FOXK2: variants seen among roughly 807,000 people sequenced by gnomAD.
FOXK2 encodes forkhead box protein K2.
A neutral mutation model predicts 53.3 loss-of-function variants in FOXK2; 24 were observed. The observed-to-expected ratio is 0.45, with a 90% CI of 0.33 to 0.63. The LOEUF is 0.63. FOXK2 is among the 30% of genes least tolerant of loss of function. The pLI, the probability that FOXK2 is intolerant of heterozygous loss-of-function variation, is 0.03. For synonymous variants in FOXK2, 505 were observed against 407.1 expected (o/e 1.24, Z -2.89); for missense variants, 952 against 910.5 (o/e 1.05, Z -0.59).
At chr17:82,573,562 T>TCTCTCTCACACA (rs1185597025) in intron 4 of FOXK2, among the ~76,000 whole-genome samples, 13 of 83,312 alleles carry the variant, frequency 1.6e-4, no homozygotes, top group Non-Finnish European at 2.1e-4. Context: ...TCTCTCTCTC[T>TCTCTCTCACACA]CACACACACA....
At chr17:82,529,812 G>A (rs562027946) in intron 1 of FOXK2, among the ~76,000 whole-genome samples, 1 of 152,168 alleles carries the variant, frequency 6.6e-6, no homozygotes, top group Admixed American at 6.5e-5. Context: ...ATCCCTGGTT[G>A]TAAGAAGATA....
At chr17:82,523,531 G>T (rs1441870112) in intron 1 of FOXK2, among the ~76,000 whole-genome samples, 1 of 150,936 alleles carries the variant, frequency 6.6e-6, no homozygotes, top group African/African-American at 2.4e-5. Flanking sequence ...GGAGTGCAAT[G>T]GTATGATCTC....
chr17:82,571,656 A>C, intron 3 of FOXK2, 68 bp from the exon 4 acceptor site: 2 of 1,403,570 alleles, frequency 1.4e-6, no homozygotes, highest in Non-Finnish European at 1.9e-6. Flanking sequence ...AGAATCTTTA[A>C]ATCTAGTAAA....
rs1240657504 is a variant in FOXK2, at chr17:82,519,863, C to T, written c.-26C>T. 12 of 967,230 alleles carry T rather than the reference C, an allele frequency of 1.2e-5. No homozygotes were observed. In the East Asian group the frequency reaches 9.4e-4, roughly 76 times the overall value. 59.9% of individuals were successfully genotyped at this position (967,230 alleles called of 1,614,324 possible). ...CCGCGCCACCGGCGCCCGCGCGGAG[C>T]GGCCCGGGGGCCCTCACGCAGGCCC... On this transcript the variant is annotated 5_prime_UTR_variant, in exon 1 of 9. Transcript: ENST00000335255.
chr17:82,548,404 CT>C (rs1337988170), intron 1 of FOXK2, among the ~76,000 whole-genome samples: 7 of 151,994 alleles, frequency 4.6e-5, no homozygotes, highest in Non-Finnish European at 1.5e-5. Context: ...TTTAATTTGC[CT>C]TGCTGTTGAG....
At chr17:82,552,259 C>G (rs746746617) in intron 1 of FOXK2, among the ~76,000 whole-genome samples, 8 of 152,172 alleles carry the variant, frequency 5.3e-5, no homozygotes, top group Non-Finnish European at 1.0e-4. Context: ...CAGAGAACTT[C>G]CGTTTTCCCA....
chr17:82,548,057 G>T (rs528189618), intron 1 of FOXK2, among the ~76,000 whole-genome samples: 2 of 152,340 alleles, frequency 1.3e-5, no homozygotes, highest in East Asian at 3.9e-4. Context: ...ACAGTGTCCA[G>T]TCTGGGCTGC....
intron 3 of FOXK2, among the ~76,000 whole-genome samples, chr17:82,571,469 C>A (rs928499167): frequency 2.0e-5 from 3 of 152,026 alleles, no homozygotes; most frequent in African/African-American, 7.2e-5. Context: ...GGCGCGGTGG[C>A]AGGCGCCTGT....
intron 1 of FOXK2, among the ~76,000 whole-genome samples, chr17:82,553,934 T>C (rs2044699906): frequency 6.6e-6 from 1 of 152,004 alleles, no homozygotes; most frequent in Non-Finnish European, 1.5e-5. Flanking sequence ...CCCAGGTTCA[T>C]GCCATTCTCC....
In FOXK2 at chr17:82,519,951, G is replaced by C. The variant is rs919163599; in HGVS notation, c.63G>C (p.Gly21=). The change falls in exon 1 of 9, where the codon GGG becomes GGC. Residue 21 remains glycine, a synonymous_variant. Coordinates refer to ENST00000335255, the MANE Select transcript of FOXK2 (RefSeq NM_004514.4). ...CGCCACCCGCGGGCGGCGGGGCCGGGGGCGGCGGGGCCGGGGGCGGCGGGT... is the reference window on the plus strand; with the variant it reads ...CGCCACCCGCGGGCGGCGGGGCCGGCGGCGGCGGGGCCGGGGGCGGCGGGT... ...AGTPPAGGGA[G]GGGAGGGGSP... is the part of the protein sequence containing the mutation. 3 of 986,464 alleles carry C rather than the reference G, an allele frequency of 3.0e-6. No individual in the cohort carries two copies. Among genetic ancestry groups the C allele is most frequent in the African/African-American group, 3.9e-5 (2 of 51,348 alleles). 61.1% of individuals were successfully genotyped at this position (986,464 alleles called of 1,614,324 possible).
intron 8 of FOXK2, chr17:82,588,519 A>C (rs2143142359): frequency 6.3e-6 from 1 of 157,744 alleles, no homozygotes; most frequent in East Asian, 1.9e-4. Context: ...TTCTGGTCTT[A>C]GTCACTCCCA....
intron 1 of FOXK2, among the ~76,000 whole-genome samples, chr17:82,551,469 A>C (rs1163444829): frequency 6.6e-6 from 1 of 152,094 alleles, no homozygotes; most frequent in African/African-American, 2.4e-5. Context: ...TGAGGTCAGG[A>C]GTTTGAGACC....
At chr17:82,521,796 CG>C (rs1426213604) in intron 1 of FOXK2, among the ~76,000 whole-genome samples, 1 of 146,442 alleles carries the variant, frequency 6.8e-6, no homozygotes, top group Non-Finnish European at 1.5e-5. Flanking sequence ...AAAAATTAGC[CG>C]GGCGCGGTGG....
chr17:82,560,056 A>G (rs932692855), intron 1 of FOXK2, among the ~76,000 whole-genome samples: 2 of 130,884 alleles, frequency 1.5e-5, no homozygotes, highest in Admixed American at 9.1e-5. Flanking sequence ...CCCTGGCTGG[A>G]GTGCAGTGGC....
intron 1 of FOXK2, among the ~76,000 whole-genome samples, chr17:82,546,822 A>T (rs567336201): frequency 1.3e-5 from 2 of 152,146 alleles, no homozygotes; most frequent in South Asian, 2.1e-4. Flanking sequence ...CACACCTGGA[A>T]TCCCAGCACT....
intron 1 of FOXK2, among the ~76,000 whole-genome samples, chr17:82,541,748 T>TAAGAC (rs1567968038): frequency 6.6e-6 from 1 of 152,056 alleles, no homozygotes; most frequent in Non-Finnish European, 1.5e-5. Flanking sequence ...TCTTACTTTG[T>TAAGAC]TGCCCAGGCT....
chr17:82,583,657 CAAAA>C (rs112942708), intron 5 of FOXK2, among the ~76,000 whole-genome samples: 2 of 150,780 alleles, frequency 1.3e-5, no homozygotes, highest in African/African-American at 2.4e-5. Flanking sequence ...CTGTTTTTAA[CAAAA>C]AAAAAAATGA....
At chr17:82,568,460 C>T (rs2044876576) in intron 3 of FOXK2, among the ~76,000 whole-genome samples, 1 of 152,220 alleles carries the variant, frequency 6.6e-6, no homozygotes, top group Non-Finnish European at 1.5e-5. Context: ...GCTGGGCAGA[C>T]AGCGGAAGAT....
chr17:82,538,283 T>A (rs141658873), intron 1 of FOXK2, among the ~76,000 whole-genome samples: 27,410 of 151,858 alleles, frequency 0.18, 2,810 homozygotes, highest in Non-Finnish European at 0.24. Flanking sequence ...AGGCCAGGAG[T>A]TCGAGACCAG....
Sources: allele counts gnomAD v4.1 joint callset (sites outside exome capture counted in the v4.1 genomes callset), GRCh38; gene constraint gnomAD v4.1.1; transcripts MANE v1.5; gene names NCBI Gene and HGNC (gene_info 2026-07-23, HGNC 2026-07-21).